ROBO2: variants seen among roughly 807,000 people sequenced by gnomAD.
ROBO2 encodes roundabout homolog 2.
Under a neutral mutation model 160.8 loss-of-function variants are expected in ROBO2, and 53 were observed. That is an observed-to-expected ratio of 0.33 (90% CI 0.26 to 0.41). The LOEUF is 0.41. Ranked by LOEUF, ROBO2 falls within the 10% of genes least tolerant of loss-of-function variation. The probability of loss-of-function intolerance (pLI) is 1.00; values close to 1 mark genes in which losing one functional copy is unlikely to be tolerated. For synonymous variants in ROBO2, 664 were observed against 611.7 expected (o/e 1.09, Z -1.26); for missense variants, 1,577 against 1,722.4 (o/e 0.92, Z 1.49).
chr3:76,121,932 C>T lies in ROBO2; in HGVS notation c.109+184330C>T, dbSNP rs114742631. Among the ~76,000 whole-genome samples, 610 of 152,168 alleles carry T rather than the reference C, an allele frequency of 4.0e-3. 3 individuals are homozygous for T. Among genetic ancestry groups the T allele is most frequent in the African/African-American group, 0.014 (587 of 41,514 alleles). ...GACTATTTAGATAGTATCTATGTAA[C>T]GTGAAGATATTATTTAAATGCTCTA... On this transcript the variant is annotated intron_variant, in intron 2 of 26. Transcript: ENST00000487694.
intron 2 of ROBO2, among the ~76,000 whole-genome samples, chr3:76,508,109 A>T (rs1285415212): frequency 6.6e-6 from 1 of 152,162 alleles, no homozygotes; most frequent in Non-Finnish European, 1.5e-5. Context: ...GTACGGTGTG[A>T]CTTTCCATTC....
intron 2 of ROBO2, among the ~76,000 whole-genome samples, chr3:76,033,277 A>C (rs748990975): frequency 2.0e-5 from 3 of 149,066 alleles, no homozygotes; most frequent in Non-Finnish European, 4.4e-5. Context: ...GTCTGGTCTA[A>C]TGTAGCTGTG....
At chr3:77,170,801 C>A (rs1383198818) in intron 2 of ROBO2, among the ~76,000 whole-genome samples, 2 of 151,934 alleles carry the variant, frequency 1.3e-5, no homozygotes, top group Non-Finnish European at 2.9e-5. Context: ...AAATAATCGA[C>A]CCATGTTGGG....
intron 2 of ROBO2, among the ~76,000 whole-genome samples, chr3:77,289,496 T>A (rs1304290500): frequency 6.6e-6 from 1 of 150,530 alleles, no homozygotes; most frequent in Admixed American, 6.6e-5. Flanking sequence ...AGATATAAAG[T>A]AAAATTGACG....
intron 2 of ROBO2, among the ~76,000 whole-genome samples, chr3:76,932,799 C>G (rs186521980): frequency 6.6e-4 from 101 of 152,228 alleles, no homozygotes; most frequent in African/African-American, 2.3e-3. Flanking sequence ...GACGCAAGCA[C>G]AGTCCTGAAA....
chr3:77,623,375 G>A (rs371108799), intron 23 of ROBO2, among the ~76,000 whole-genome samples: 19 of 152,158 alleles, frequency 1.2e-4, no homozygotes, highest in East Asian at 3.9e-4. Flanking sequence ...CCACAATCCC[G>A]CTTAATTCAT....
At chr3:76,998,408 A>G (rs762739263) in intron 2 of ROBO2, among the ~76,000 whole-genome samples, 19 of 152,198 alleles carry the variant, frequency 1.2e-4, no homozygotes, top group Non-Finnish European at 2.5e-4. Context: ...CCAAAAATTT[A>G]AAGACAAAGG....
chr3:76,618,665 T>C (rs926302182), intron 2 of ROBO2, among the ~76,000 whole-genome samples: 1 of 151,606 alleles, frequency 6.6e-6, no homozygotes, highest in Non-Finnish European at 1.5e-5. Context: ...TTTTAAAATA[T>C]TAGAGCATTT....
intron 2 of ROBO2, among the ~76,000 whole-genome samples, chr3:76,718,208 A>G (rs1301702030): frequency 6.6e-6 from 1 of 152,314 alleles, no homozygotes; most frequent in Non-Finnish European, 1.5e-5. Flanking sequence ...TGTGACATCC[A>G]TCTAATTGTC....
chr3:76,921,191 C>T (rs996855070), intron 2 of ROBO2, among the ~76,000 whole-genome samples: 1 of 152,112 alleles, frequency 6.6e-6, no homozygotes, highest in Non-Finnish European at 1.5e-5. Flanking sequence ...CTTCTATCAT[C>T]AGTGAAGTGA....
chr3:76,190,310 A>G (rs1701949127), intron 2 of ROBO2, among the ~76,000 whole-genome samples: 1 of 152,126 alleles, frequency 6.6e-6, no homozygotes, highest in South Asian at 2.1e-4. Flanking sequence ...GTGTGTGGCA[A>G]TAGTGAATCT....
At chr3:77,412,138 C>CGTTAAATA (rs71104684) in intron 2 of ROBO2, among the ~76,000 whole-genome samples, 1 of 151,998 alleles carries the variant, frequency 6.6e-6, no homozygotes, top group Non-Finnish European at 1.5e-5. Flanking sequence ...CTAAAAGTAC[C>CGTTAAATA]CCAGGCAGTG....
chr3:77,044,417 A>G (rs2064419675), intron 1 of ROBO2, among the ~76,000 whole-genome samples: 1 of 152,166 alleles, frequency 6.6e-6, no homozygotes, highest in Non-Finnish European at 1.5e-5. Flanking sequence ...TGGTTTTCGA[A>G]GAGTATTAGA....
At chr3:76,887,227 G>T (rs2073973678) in intron 2 of ROBO2, among the ~76,000 whole-genome samples, 2 of 103,700 alleles carry the variant, frequency 1.9e-5, no homozygotes, top group Admixed American at 1.3e-4. Context: ...TTTTGGTAAG[G>T]AATGACATGA....
At chr3:77,230,236 C>T (rs1394686634) in intron 2 of ROBO2, among the ~76,000 whole-genome samples, 4 of 151,984 alleles carry the variant, frequency 2.6e-5, no homozygotes, top group Non-Finnish European at 5.9e-5. Context: ...TAAAGGCATG[C>T]ACCACCTGGC....
intron 2 of ROBO2, among the ~76,000 whole-genome samples, chr3:76,906,661 C>T (rs2075627096): frequency 6.6e-6 from 1 of 152,030 alleles, no homozygotes; most frequent in South Asian, 2.1e-4. Context: ...AAATAACCTG[C>T]TCAGGACACA....
chr3:76,370,990 C>G (rs968978520), intron 2 of ROBO2, among the ~76,000 whole-genome samples: 3 of 151,842 alleles, frequency 2.0e-5, no homozygotes, highest in Non-Finnish European at 2.9e-5. Context: ...TCTCATTGCA[C>G]TCACCCTAGA....
At chr3:77,391,645 C>A (rs1419471502) in intron 2 of ROBO2, among the ~76,000 whole-genome samples, 3 of 152,056 alleles carry the variant, frequency 2.0e-5, no homozygotes, top group African/African-American at 7.2e-5. Context: ...ATGGGAGCTA[C>A]AATTCAAAAT....
At chr3:77,450,677 T>C (rs1489315611) in intron 2 of ROBO2, among the ~76,000 whole-genome samples, 1 of 152,130 alleles carries the variant, frequency 6.6e-6, no homozygotes, top group Non-Finnish European at 1.5e-5. Context: ...AATATCAAAA[T>C]GGCAGAATAA....
Sources: allele counts gnomAD v4.1 joint callset (sites outside exome capture counted in the v4.1 genomes callset), GRCh38; gene constraint gnomAD v4.1.1; transcripts MANE v1.5; gene names NCBI Gene and HGNC (gene_info 2026-07-23, HGNC 2026-07-21).